Variants in TOP6BL observed in about 807,000 individuals in gnomAD.
TOP6BL encodes the protein type 2 DNA topoisomerase 6 subunit B-like.
the TOP6BL span, chr11:66,804,078 A>T: frequency 6.2e-7 from 1 of 1,613,992 alleles, no homozygotes; most frequent in East Asian, 2.2e-5. Context: ...TTCATCCCTG[A>T]AGACGTGGCT....
At chr11:66,768,914 T>C in the TOP6BL span, among the ~76,000 whole-genome samples, 8 of 152,168 alleles carry the variant, frequency 5.3e-5, 1 homozygote, top group Admixed American at 3.3e-4. Context: ...TCTGGCTGAG[T>C]GGTACATAAC....
chr11:66,770,024 C>T, the TOP6BL span, among the ~76,000 whole-genome samples: 12 of 152,066 alleles, frequency 7.9e-5, no homozygotes, highest in South Asian at 2.1e-3. Flanking sequence ...GGATTACAGG[C>T]GTGAGCCACC....
At chr11:66,755,069 C>T in the TOP6BL span, among the ~76,000 whole-genome samples, 6 of 151,966 alleles carry the variant, frequency 3.9e-5, no homozygotes, top group South Asian at 1.2e-3. Flanking sequence ...ACTTAGATTA[C>T]TCAGGTCTCC....
chr11:66,824,698 T>G, the TOP6BL span, among the ~76,000 whole-genome samples: 1 of 150,120 alleles, frequency 6.7e-6, no homozygotes, highest in Non-Finnish European at 1.5e-5. Context: ...CATGTGGTGT[T>G]TGGTTTTTTG....
chr11:66,791,291 C>T, the TOP6BL span, among the ~76,000 whole-genome samples: 1 of 152,322 alleles, frequency 6.6e-6, no homozygotes, highest in South Asian at 2.1e-4. Context: ...GCTAGTCTTA[C>T]ATCTTGGTGT....
chr11:66,752,317 A>G, the TOP6BL span, among the ~76,000 whole-genome samples: 3 of 151,760 alleles, frequency 2.0e-5, no homozygotes, highest in Admixed American at 6.6e-5. Context: ...GCCAGAATTC[A>G]TTTTTCCTTC....
At chr11:66,748,997 C>T in the TOP6BL span, among the ~76,000 whole-genome samples, 1 of 151,910 alleles carries the variant, frequency 6.6e-6, no homozygotes, top group African/African-American at 2.4e-5. Flanking sequence ...AAACCTGATG[C>T]AGTGAGTGGC....
chr11:66,773,880 G>A, the TOP6BL span, among the ~76,000 whole-genome samples: 1 of 151,908 alleles, frequency 6.6e-6, no homozygotes, highest in Non-Finnish European at 1.5e-5. Flanking sequence ...GGGATTACAG[G>A]CCCCCACCAC....
the TOP6BL span, among the ~76,000 whole-genome samples, chr11:66,781,514 A>G: frequency 3.3e-5 from 5 of 152,108 alleles, no homozygotes; most frequent in Non-Finnish European, 5.9e-5. Flanking sequence ...CCTAAATGTA[A>G]TATCTGTACC....
At chr11:66,797,449 T>C in the TOP6BL span, among the ~76,000 whole-genome samples, 1 of 152,326 alleles carries the variant, frequency 6.6e-6, no homozygotes, top group Middle Eastern at 3.4e-3. Context: ...TTGTTAAAGC[T>C]AGATAATAAA....
chr11:66,817,702 A>C, the TOP6BL span, among the ~76,000 whole-genome samples: 3 of 151,898 alleles, frequency 2.0e-5, no homozygotes, highest in African/African-American at 7.3e-5. Flanking sequence ...CCCCCAAAGT[A>C]CTGGGATTAC....
At chr11:66,782,312 T>C in the TOP6BL span, among the ~76,000 whole-genome samples, 2 of 152,244 alleles carry the variant, frequency 1.3e-5, no homozygotes, top group Non-Finnish European at 1.5e-5. Flanking sequence ...AAAATCTTGC[T>C]AGTGTCTTGT....
At chr11:66,818,113 C>A in the TOP6BL span, among the ~76,000 whole-genome samples, 2 of 152,116 alleles carry the variant, frequency 1.3e-5, no homozygotes, top group Admixed American at 6.5e-5. Flanking sequence ...TCTCCAGGCA[C>A]TCTAGTGCTA....
At chr11:66,791,070 T>G in the TOP6BL span, among the ~76,000 whole-genome samples, 1 of 152,168 alleles carries the variant, frequency 6.6e-6, no homozygotes, top group East Asian at 1.9e-4. Context: ...TGAGAAGAGA[T>G]AAAAGGGAGA....
chr11:66,798,797 G>A, the TOP6BL span, among the ~76,000 whole-genome samples: 3,297 of 152,134 alleles, frequency 0.022, 133 homozygotes, highest in East Asian at 0.14. Context: ...TTTTTTGGCC[G>A]GGCGTGGTGG....
chr11:66,821,042 A>G, the TOP6BL span, among the ~76,000 whole-genome samples: 1 of 152,166 alleles, frequency 6.6e-6, no homozygotes, highest in Non-Finnish European at 1.5e-5. Context: ...ATCCTCGCTC[A>G]TGGTTAATCC....
chr11:66,806,737 CAG>C, the TOP6BL span, among the ~76,000 whole-genome samples: 1 of 152,016 alleles, frequency 6.6e-6, no homozygotes, highest in Non-Finnish European at 1.5e-5. Flanking sequence ...GCCTGGGCGA[CAG>C]AGCAAGACTC....
the TOP6BL span, among the ~76,000 whole-genome samples, chr11:66,827,966 GAAAAAA>G: frequency 0.029 from 862 of 30,034 alleles, 4 homozygotes; most frequent in African/African-American, 0.066. Flanking sequence ...CTCTGTCTCA[GAAAAAA>G]AAAAAAAAAA....
the TOP6BL span, among the ~76,000 whole-genome samples, chr11:66,814,461 C>G: frequency 2.0e-5 from 3 of 152,018 alleles, no homozygotes; most frequent in Admixed American, 6.6e-5. Context: ...CAGAGTTTCC[C>G]CATGTTGGCC....
Sources: gnomAD v4.1 joint callset for allele counts (sites outside exome capture counted in the v4.1 genomes callset) on GRCh38, gnomAD v4.1.1 for gene constraint, MANE v1.5 for transcripts, NCBI Gene and HGNC (gene_info 2026-07-23, HGNC 2026-07-21) for gene names.